The following OXR1 variants were observed in gnomAD, a reference collection of about 807,000 sequenced individuals.
OXR1 encodes oxidation resistance protein 1.
Under a neutral mutation model 104.6 loss-of-function variants are expected in OXR1, and 41 were observed. The ratio of observed to expected loss-of-function variants is 0.39; its 90% CI spans 0.31 to 0.51. OXR1 has a LOEUF of 0.51. Among genes scored for constraint, OXR1 ranks in the 20% least tolerant of loss-of-function variants. The pLI, the probability that OXR1 is intolerant of heterozygous loss-of-function variation, is 0.77. For missense variants in OXR1, 955 were observed against 1,031.9 expected (o/e 0.93, Z 1.02); for synonymous variants, 348 against 348.4 (o/e 1.00, Z 0.01).
intron 14 of OXR1, among the ~76,000 whole-genome samples, chr8:106,741,756 A>G (rs996751196): frequency 6.6e-5 from 10 of 152,098 alleles, no homozygotes; most frequent in South Asian, 2.1e-4. Flanking sequence ...GGACAAAACA[A>G]TTCACACATA....
chr8:106,547,865 T>C (rs549063077), intron 3 of OXR1, among the ~76,000 whole-genome samples: 1 of 152,308 alleles, frequency 6.6e-6, no homozygotes, highest in East Asian at 1.9e-4. Flanking sequence ...GCTTACTCCA[T>C]TCATTTGTCA....
intron 1 of OXR1, among the ~76,000 whole-genome samples, chr8:106,292,749 TAAG>T (rs747660105): frequency 1.3e-5 from 2 of 152,218 alleles, no homozygotes; most frequent in East Asian, 1.9e-4. Context: ...ATCTAGAGGA[TAAG>T]AAGACAGGGA....
chr8:106,472,551 A>T (rs961760275), intron 2 of OXR1, among the ~76,000 whole-genome samples: 1 of 151,892 alleles, frequency 6.6e-6, no homozygotes, highest in African/African-American at 2.4e-5. Flanking sequence ...TAAAATGTAT[A>T]TGCACAAAAG....
intron 2 of OXR1, among the ~76,000 whole-genome samples, chr8:106,370,281 G>A (rs115759338): frequency 0.036 from 5,534 of 152,290 alleles, 117 homozygotes; most frequent in East Asian, 0.068. Context: ...TTGCTTATCA[G>A]TTCAAGAAGT....
At chr8:106,313,638 T>C (rs1813802791) in intron 1 of OXR1, among the ~76,000 whole-genome samples, 1 of 90,102 alleles carries the variant, frequency 1.1e-5, no homozygotes, top group Non-Finnish European at 2.3e-5. Flanking sequence ...GTACGTTTAT[T>C]CTCCTTTTGC....
intron 2 of OXR1, among the ~76,000 whole-genome samples, chr8:106,379,289 G>A (rs1817034374): frequency 6.6e-6 from 1 of 152,066 alleles, no homozygotes; most frequent in African/African-American, 2.4e-5. Context: ...CTAGATTTAT[G>A]GTGTGAGTGC....
chr8:106,408,369 A>G (rs1297256000), intron 2 of OXR1, among the ~76,000 whole-genome samples: 3 of 152,104 alleles, frequency 2.0e-5, no homozygotes, highest in African/African-American at 4.8e-5. Context: ...GTATTCAGAT[A>G]TGACTTACAT....
At chr8:106,597,534 A>T (rs548558049) in intron 3 of OXR1, among the ~76,000 whole-genome samples, 1 of 152,340 alleles carries the variant, frequency 6.6e-6, no homozygotes, top group East Asian at 1.9e-4. Context: ...TGCTTAAAGA[A>T]TATCTGTTTT....
intron 2 of OXR1, among the ~76,000 whole-genome samples, chr8:106,368,710 T>C (rs2130368174): frequency 6.6e-6 from 1 of 152,338 alleles, no homozygotes; most frequent in South Asian, 2.1e-4. Context: ...GCTTCATCCA[T>C]GTCCCTGCAA....
intron 1 of OXR1, among the ~76,000 whole-genome samples, chr8:106,276,514 C>G (rs1812042927): frequency 6.6e-6 from 1 of 152,114 alleles, no homozygotes; most frequent in African/African-American, 2.4e-5. Flanking sequence ...CTTTATGGAA[C>G]TTTTATTTCT....
At chr8:106,503,307 C>G (rs1429186505) in intron 2 of OXR1, among the ~76,000 whole-genome samples, 1 of 152,112 alleles carries the variant, frequency 6.6e-6, no homozygotes, top group East Asian at 1.9e-4. Flanking sequence ...GACATTTTCT[C>G]TATTTCAGCT....
intron 1 of OXR1, among the ~76,000 whole-genome samples, chr8:106,315,694 T>C (rs1489608613): frequency 1.3e-5 from 2 of 152,200 alleles, no homozygotes; most frequent in Non-Finnish European, 2.9e-5. Context: ...CTATTACATA[T>C]GAATTGTTAT....
At chr8:106,711,433 T>C (rs1387869229) in intron 10 of OXR1, among the ~76,000 whole-genome samples, 1 of 152,164 alleles carries the variant, frequency 6.6e-6, no homozygotes, top group Non-Finnish European at 1.5e-5. Flanking sequence ...AAACTTCTAT[T>C]TCCATAATAC....
At chr8:106,656,422 C>T (rs1314179597) in intron 3 of OXR1, 1 of 152,218 alleles carries the variant, frequency 6.6e-6, no homozygotes, top group Non-Finnish European at 1.5e-5. Flanking sequence ...GGGCACTAAT[C>T]GCATTCATGC....
intron 2 of OXR1, among the ~76,000 whole-genome samples, chr8:106,399,667 G>A (rs971028863): frequency 1.3e-5 from 2 of 152,172 alleles, no homozygotes; most frequent in Admixed American, 1.3e-4. Context: ...TCTAGGAAAT[G>A]TAATTCCCAC....
chr8:106,466,164 A>G (rs1586677026), intron 2 of OXR1, among the ~76,000 whole-genome samples: 1 of 152,072 alleles, frequency 6.6e-6, no homozygotes, highest in East Asian at 1.9e-4. Context: ...TCCTGTGTAC[A>G]GCAACACATG....
intron 1 of OXR1, among the ~76,000 whole-genome samples, chr8:106,320,347 T>G (rs1391860169): frequency 6.6e-6 from 1 of 152,108 alleles, no homozygotes; most frequent in East Asian, 1.9e-4. Context: ...TCTCCAAGTA[T>G]TTGTCCCCTT....
chr8:106,671,327 A>T (rs1826956104), intron 3 of OXR1, among the ~76,000 whole-genome samples: 1 of 152,162 alleles, frequency 6.6e-6, no homozygotes, highest in South Asian at 2.1e-4. Context: ...TTTCCCAGAG[A>T]TACAATAATA....
At chr8:106,458,229 G>A (rs544477271) in intron 2 of OXR1, among the ~76,000 whole-genome samples, 32 of 152,236 alleles carry the variant, frequency 2.1e-4, no homozygotes, top group Admixed American at 6.5e-4. Flanking sequence ...TTCCAGAGAG[G>A]TTCCCTTAAA....
Sources: gnomAD v4.1 joint callset for allele counts (sites outside exome capture counted in the v4.1 genomes callset) on GRCh38, gnomAD v4.1.1 for gene constraint, MANE v1.5 for transcripts, NCBI Gene and HGNC (gene_info 2026-07-23, HGNC 2026-07-21) for gene names.